The following SLC12A2 variants were observed in gnomAD, a reference collection of about 807,000 sequenced individuals.
SLC12A2 encodes solute carrier family 12 member 2, also known as Na-K-2Cl cotransporter 1.
A neutral mutation model predicts 136.3 loss-of-function variants in SLC12A2; 67 were observed. That is an observed-to-expected ratio of 0.49 (90% CI 0.40 to 0.60). The LOEUF is 0.60. Among genes scored for constraint, SLC12A2 ranks in the 20% least tolerant of loss-of-function variants. The pLI is 0.00. For synonymous variants in SLC12A2, 619 were observed against 562.9 expected (o/e 1.10, Z -1.41); for missense variants, 1,322 against 1,534.7 (o/e 0.86, Z 2.32).
At chr5:128,114,980 A>G (rs1487662874) in intron 4 of SLC12A2, among the ~76,000 whole-genome samples, 1 of 152,182 alleles carries the variant, frequency 6.6e-6, no homozygotes, top group Non-Finnish European at 1.5e-5. Flanking sequence ...CCCTTGGATC[A>G]GTCAGCAACA....
At chr5:128,163,350 GA>G (rs1763103722) in intron 17 of SLC12A2, among the ~76,000 whole-genome samples, 1 of 152,094 alleles carries the variant, frequency 6.6e-6, no homozygotes, top group Non-Finnish European at 1.5e-5. Context: ...CCAACATGGT[GA>G]AACCCTGTCT....
At chr5:128,184,900 A>G in intron 26 of SLC12A2, 44 bp downstream of exon 26, 3 of 1,459,312 alleles carry the variant, frequency 2.1e-6, no homozygotes, top group Non-Finnish European at 1.9e-6. Flanking sequence ...ATTTATGATA[A>G]TATGCTTTGA....
intron 15 of SLC12A2, 52 bp downstream of exon 15, chr5:128,152,857 A>G: frequency 1.9e-6 from 2 of 1,077,298 alleles, no homozygotes; most frequent in Non-Finnish European, 2.9e-6. Context: ...CTGGCCAGTC[A>G]GTTCTTATTT....
intron 4 of SLC12A2, among the ~76,000 whole-genome samples, chr5:128,118,824 G>A (rs915749385): frequency 2.6e-5 from 4 of 152,004 alleles, no homozygotes; most frequent in African/African-American, 7.3e-5. Flanking sequence ...ATCACATTAT[G>A]CCAATATCTC....
At position 128,105,206 on chromosome 5, in the gene SLC12A2, A is replaced by G. The variant is rs564202451; in HGVS notation, c.757-7608A>G. Among the ~76,000 whole-genome samples the G allele has an allele frequency of 5.1e-4, 78 of 152,226 alleles. 1 individual carries two copies. Among genetic ancestry groups the G allele is most frequent in the Non-Finnish European group, 9.0e-4 (61 of 68,046 alleles). On this transcript the variant is annotated intron_variant, in intron 1 of 26. Coordinates refer to ENST00000262461, the MANE Select transcript of SLC12A2 (RefSeq NM_001046.3). Reference sequence around the variant, plus strand: ...TGAAACATCCTAAGTGGTAAGATCAATATTTTATACCCAGGGCTGAAACTC... The same window carrying G: ...TGAAACATCCTAAGTGGTAAGATCAGTATTTTATACCCAGGGCTGAAACTC...
chr5:128,173,076 C>T (rs1763432684), intron 19 of SLC12A2, among the ~76,000 whole-genome samples: 2 of 151,702 alleles, frequency 1.3e-5, no homozygotes, highest in South Asian at 2.1e-4. Flanking sequence ...TAACATATTA[C>T]CCCTATCAAT....
chr5:128,085,786 C>G (rs1380254746), intron 1 of SLC12A2, among the ~76,000 whole-genome samples: 1 of 152,126 alleles, frequency 6.6e-6, no homozygotes, highest in Non-Finnish European at 1.5e-5. Context: ...TGATTTCATA[C>G]AAGATTGTAC....
rs909396246 is a variant in SLC12A2 at position 128,138,949 on chromosome 5, A to C, written c.1621+41A>C. On this transcript the variant is annotated intron_variant, in intron 9 of 26. Coordinates refer to ENST00000262461, the MANE Select transcript of SLC12A2 (RefSeq NM_001046.3). Reference sequence around the variant, plus strand: ...TTTCTTTATGTGTCGCAGAAATTTCATGATGTACGTACTATAAATACTTAT... The same window carrying C: ...TTTCTTTATGTGTCGCAGAAATTTCCTGATGTACGTACTATAAATACTTAT... 3.1e-6 allele frequency: 4 copies of C among 1,308,604 alleles called. No individual in the cohort carries two copies. The African/African-American group carries it at 5.8e-5, about 19-fold the overall frequency. The allele number at this position is 1,308,604 out of a possible 1,614,324, so 81.1% of individuals were successfully genotyped here.
intron 23 of SLC12A2, among the ~76,000 whole-genome samples, chr5:128,181,197 AT>A (rs960793684): frequency 3.9e-5 from 6 of 152,106 alleles, no homozygotes; most frequent in Admixed American, 6.6e-5. Flanking sequence ...CTTAGATATA[AT>A]TTTTTTTAAC....
rs1398345580 is a variant in SLC12A2, at chr5:128,138,886, C to T, written c.1599C>T (p.Tyr533=). The T allele has an allele frequency of 3.7e-6, 6 of 1,611,634 alleles. No homozygotes were observed. The highest frequency in any genetic ancestry group is 1.3e-5 in the African/African-American group (1 of 74,856). Residue 533 remains tyrosine, a synonymous_variant, in exon 9 of 27, where the codon TAC becomes TAT. Coordinates refer to ENST00000262461, the MANE Select transcript of SLC12A2 (RefSeq NM_001046.3). ...CCATTTTAATTACTACATTGGTTTA[C>T]GTAGGAATTGCAGTATCTGTAGGTA... ...LLAILITTLV[Y]VGIAVSVGSC...
At chr5:128,122,765 A>C (rs187224711) in intron 4 of SLC12A2, among the ~76,000 whole-genome samples, 114 of 152,200 alleles carry the variant, frequency 7.5e-4, no homozygotes, top group Middle Eastern at 3.4e-3. Context: ...TTGATTGTCA[A>C]ATTTTTTTGT....
At chr5:128,106,911 G>C (rs1760960071) in intron 1 of SLC12A2, among the ~76,000 whole-genome samples, 1 of 152,196 alleles carries the variant, frequency 6.6e-6, no homozygotes, top group African/African-American at 2.4e-5. Flanking sequence ...TTTTAACACA[G>C]ATGGGAAGAG....
intron 4 of SLC12A2, among the ~76,000 whole-genome samples, chr5:128,126,130 G>T (rs560101386): frequency 6.6e-6 from 1 of 152,028 alleles, no homozygotes; most frequent in East Asian, 1.9e-4. Context: ...TAGATCTTTA[G>T]CATTTTCATA....
intron 4 of SLC12A2, among the ~76,000 whole-genome samples, chr5:128,117,261 G>C (rs927073474): frequency 6.6e-6 from 1 of 152,126 alleles, no homozygotes; most frequent in Admixed American, 6.5e-5. Flanking sequence ...CAACCTAAAG[G>C]AGCTAACACT....
chr5:128,186,359 G>A, intron 26 of SLC12A2, 137 bp from the exon 27 acceptor site: 1 of 868,926 alleles, frequency 1.2e-6, no homozygotes, highest in Non-Finnish European at 1.7e-6. Flanking sequence ...GAATTCTCCT[G>A]CACTCAGAAA....
intron 20 of SLC12A2, among the ~76,000 whole-genome samples, chr5:128,174,932 TAAAA>T (rs1462090234): frequency 6.6e-6 from 1 of 152,052 alleles, no homozygotes; most frequent in Non-Finnish European, 1.5e-5. Context: ...TTGCTTTAAA[TAAAA>T]CATTTTAATT....
chr5:128,158,780 G>A (rs1006342277), intron 16 of SLC12A2, among the ~76,000 whole-genome samples: 4 of 151,776 alleles, frequency 2.6e-5, no homozygotes, highest in African/African-American at 9.7e-5. Context: ...AGGCCAAACT[G>A]CTTTCCATAG....
chr5:128,135,641 T>C (rs746870677), intron 6 of SLC12A2, 59 bp from the exon 7 acceptor site: 123 of 1,116,206 alleles, frequency 1.1e-4, no homozygotes, highest in Admixed American at 1.8e-4. Context: ...TCTAGGGGAA[T>C]TGAATCAAGA....
chr5:128,133,000 GTCT>G (rs1176905610), intron 5 of SLC12A2, among the ~76,000 whole-genome samples: 1 of 151,374 alleles, frequency 6.6e-6, no homozygotes, highest in Non-Finnish European at 1.5e-5. Context: ...TATAGCAGTA[GTCT>G]TCTATTACAA....
Sources: gnomAD v4.1 joint callset for allele counts (sites outside exome capture counted in the v4.1 genomes callset) on GRCh38, gnomAD v4.1.1 for gene constraint, MANE v1.5 for transcripts, NCBI Gene and HGNC (gene_info 2026-07-23, HGNC 2026-07-21) for gene names.